Variants in CLCN5 observed in about 807,000 individuals in gnomAD.
CLCN5 encodes H(+)/Cl(-) exchange transporter 5.
CLCN5 carries 17 observed loss-of-function variants against 54.0 expected under a neutral mutation model. The ratio of observed to expected loss-of-function variants is 0.31; its 90% CI spans 0.22 to 0.47. CLCN5 has a LOEUF of 0.47. Among genes scored for constraint, CLCN5 ranks in the 20% least tolerant of loss-of-function variants. The pLI, the probability that CLCN5 is intolerant of heterozygous loss-of-function variation, is 1.00. For synonymous variants in CLCN5, 222 were observed against 233.0 expected (o/e 0.95, Z 0.43); for missense variants, 448 against 646.7 (o/e 0.69, Z 3.33).
intron 4 of CLCN5, among the ~76,000 whole-genome samples, chrX:50,057,093 C>T (rs1460236610): frequency 9.0e-6 from 1 of 110,802 alleles, no homozygotes. Context: ...CAAAACAATG[C>T]AGGCACTGCC....
intron 3 of CLCN5, among the ~76,000 whole-genome samples, chrX:49,927,580 A>G (rs1477278564): frequency 8.9e-6 from 1 of 112,229 alleles, no homozygotes; most frequent in Non-Finnish European, 1.9e-5. Flanking sequence ...GGCCTTGGGC[A>G]AGTAACTTAA....
chrX:50,025,797 T>C (rs1223545019), intron 3 of CLCN5, among the ~76,000 whole-genome samples: 18 of 111,485 alleles, frequency 1.6e-4, no homozygotes, highest in African/African-American at 5.9e-4. Flanking sequence ...GGGCTAGAGG[T>C]TTATCAATTT....
chrX:50,035,881 A>G (rs1024125471), intron 3 of CLCN5, among the ~76,000 whole-genome samples: 2 of 112,465 alleles, frequency 1.8e-5, no homozygotes, highest in African/African-American at 3.2e-5. Flanking sequence ...CCAAACAACA[A>G]TTTCCCCTGT....
At chrX:49,926,646 C>T (rs1439279797) in intron 3 of CLCN5, among the ~76,000 whole-genome samples, 5 of 111,609 alleles carry the variant, frequency 4.5e-5, no homozygotes, top group South Asian at 3.8e-4. Context: ...TGTGTAGGGG[C>T]GCGACCTCAG....
intron 3 of CLCN5, among the ~76,000 whole-genome samples, chrX:49,989,831 C>T (rs1929168390): frequency 8.9e-6 from 1 of 112,297 alleles, no homozygotes; most frequent in Admixed American, 9.4e-5. Flanking sequence ...TTCATATTCA[C>T]ATGCCATGCA....
intron 8 of CLCN5, among the ~76,000 whole-genome samples, chrX:50,081,310 G>T (rs1933688599): frequency 9.1e-6 from 1 of 109,627 alleles, no homozygotes; most frequent in African/African-American, 3.3e-5. Context: ...CTCAAAACAT[G>T]CCTCTTGGGC....
At chrX:49,958,514 A>G (rs1302383223) in intron 3 of CLCN5, among the ~76,000 whole-genome samples, 1 of 111,757 alleles carries the variant, frequency 8.9e-6, no homozygotes, top group Admixed American at 9.5e-5. Context: ...TTACTAGTTC[A>G]TTATAAACTG....
chrX:50,082,785 A>G (rs557283466), intron 9 of CLCN5, among the ~76,000 whole-genome samples: 1 of 112,194 alleles, frequency 8.9e-6, no homozygotes, highest in African/African-American at 3.2e-5. Context: ...GTTTATTGCT[A>G]TGGAATAGTA....
intron 4 of CLCN5, among the ~76,000 whole-genome samples, chrX:50,057,279 G>C (rs1485160918): frequency 9.3e-6 from 1 of 106,964 alleles, no homozygotes; most frequent in Admixed American, 9.9e-5. Flanking sequence ...TCAGTATTTA[G>C]CAAACTGGTA....
At chrX:50,001,726 T>C (rs1351965106) in intron 3 of CLCN5, among the ~76,000 whole-genome samples, 2 of 107,043 alleles carry the variant, frequency 1.9e-5, no homozygotes, top group Non-Finnish European at 3.9e-5. Flanking sequence ...TTTGGTTTTC[T>C]GTCCTTGGAT....
At chrX:49,965,948 T>A (rs1187610754) in intron 3 of CLCN5, among the ~76,000 whole-genome samples, 1 of 112,263 alleles carries the variant, frequency 8.9e-6, no homozygotes, top group Non-Finnish European at 1.9e-5. Context: ...CTTCCTGAGA[T>A]GAACCCCACT....
At chrX:49,945,464 A>G (rs1468964219) in intron 3 of CLCN5, 1 of 108,681 alleles carries the variant, frequency 9.2e-6, no homozygotes, top group African/African-American at 3.4e-5. Context: ...TTTTTTTTTA[A>G]GATGGAGTCT....
intron 4 of CLCN5, among the ~76,000 whole-genome samples, chrX:50,065,761 C>G (rs1368899702): frequency 9.5e-6 from 1 of 104,787 alleles, no homozygotes; most frequent in African/African-American, 3.5e-5. Flanking sequence ...TGGAACCAAG[C>G]CAAATGTCCA....
rs1557194356 is a variant in CLCN5 at position 50,088,838 on chromosome X, C to T, written c.1698C>T (p.Cys566=). The change falls in exon 12 of 15, where the codon TGC becomes TGT. Residue 566 remains cysteine (C), a synonymous_variant. Transcript: ENST00000376091. The part of the protein sequence containing the change: ...FNSWCSQGAD[C]ITPGLYAMVG... ...GCTGGTGTAGTCAGGGAGCTGATTG[C>T]ATCACCCCCGGCCTTTATGCAATGG... 3 of 1,211,541 alleles carry T rather than the reference C, an allele frequency of 2.5e-6. No individual in the cohort carries two copies. In the African/African-American group the frequency reaches 5.2e-5, roughly 21 times the overall value.
chrX:49,977,004 A>G (rs185807343), intron 3 of CLCN5, among the ~76,000 whole-genome samples: 2 of 111,899 alleles, frequency 1.8e-5, no homozygotes, highest in African/African-American at 3.2e-5. Flanking sequence ...AGATAAGACA[A>G]TGTGGAAGAA....
intron 3 of CLCN5, among the ~76,000 whole-genome samples, chrX:50,002,071 A>G (rs1255487442): frequency 9.2e-6 from 1 of 109,224 alleles, no homozygotes; most frequent in Non-Finnish European, 1.9e-5. Context: ...TCTAAGTATT[A>G]AAGAGATATA....
At chrX:49,995,123 C>T (rs181161217) in intron 3 of CLCN5, among the ~76,000 whole-genome samples, 15 of 111,560 alleles carry the variant, frequency 1.3e-4, no homozygotes, top group Non-Finnish European at 1.9e-4. Context: ...AAGGTGTAGG[C>T]GGCATTTGTC....
intron 3 of CLCN5, among the ~76,000 whole-genome samples, chrX:49,956,913 C>T (rs782642649): frequency 1.8e-4 from 20 of 111,598 alleles, no homozygotes; most frequent in Non-Finnish European, 3.6e-4. Flanking sequence ...TAAAATTTGG[C>T]CCTCAGGAAT....
chrX:49,942,805 T>C (rs1926449654), intron 3 of CLCN5, among the ~76,000 whole-genome samples: 1 of 110,297 alleles, frequency 9.1e-6, no homozygotes, highest in African/African-American at 3.3e-5. Flanking sequence ...GGTCTATCAT[T>C]GCTGGACACT....
Sources: gnomAD v4.1 joint callset for allele counts (sites outside exome capture counted in the v4.1 genomes callset) on GRCh38, gnomAD v4.1.1 for gene constraint, MANE v1.5 for transcripts, NCBI Gene and HGNC (gene_info 2026-07-23, HGNC 2026-07-21) for gene names.